The following CTNNA2 variants were observed in gnomAD, a reference collection of about 807,000 sequenced individuals.
CTNNA2 encodes catenin alpha 2.
In CTNNA2, 42 loss-of-function variants were observed where a neutral mutation model predicts 101.0. The observed-to-expected ratio is 0.42, with a 90% confidence interval of 0.32 to 0.54. The LOEUF (loss-of-function observed/expected upper bound fraction) is 0.54. Ranked by LOEUF, CTNNA2 falls within the 20% of genes least tolerant of loss-of-function variation. CTNNA2 has a pLI of 0.14. For missense variants in CTNNA2, 871 were observed against 1,223.1 expected (o/e 0.71, Z 4.29); for synonymous variants, 450 against 456.4 (o/e 0.99, Z 0.18).
chr2:80,604,330 C>G, intron 16 of CTNNA2, 151 bp downstream of exon 16: 1 of 657,734 alleles, frequency 1.5e-6, no homozygotes, highest in South Asian at 1.8e-5. Flanking sequence ...GTATCTGCCT[C>G]TCCTGACACT....
chr2:79,977,493 G>T (rs1310196925), intron 7 of CTNNA2, among the ~76,000 whole-genome samples: 1 of 152,048 alleles, frequency 6.6e-6, no homozygotes, highest in Admixed American at 6.6e-5. Flanking sequence ...CACCTATTTA[G>T]ACTTGCCTAT....
At chr2:80,502,218 A>C (rs1482833892) in intron 9 of CTNNA2, among the ~76,000 whole-genome samples, 1 of 152,198 alleles carries the variant, frequency 6.6e-6, no homozygotes, top group Non-Finnish European at 1.5e-5. Context: ...TTTTCACCAT[A>C]AGTCATTTAA....
intron 7 of CTNNA2, among the ~76,000 whole-genome samples, chr2:80,246,673 A>G (rs1283931237): frequency 6.6e-6 from 1 of 152,210 alleles, no homozygotes; most frequent in Non-Finnish European, 1.5e-5. Context: ...GTTGCTCTCT[A>G]CAGCTCACTG....
chr2:79,514,147 C>A (rs1032053677), intron 1 of CTNNA2, among the ~76,000 whole-genome samples: 1 of 152,150 alleles, frequency 6.6e-6, no homozygotes, highest in African/African-American at 2.4e-5. Context: ...ATGTTTTGCT[C>A]AGCATACAAA....
chr2:80,113,107 AGTG>A (rs1234319494), intron 7 of CTNNA2, among the ~76,000 whole-genome samples: 3 of 152,142 alleles, frequency 2.0e-5, no homozygotes, highest in African/African-American at 7.2e-5. Context: ...TGGGGCGAGG[AGTG>A]TACCACATTT....
intron 2 of CTNNA2, among the ~76,000 whole-genome samples, chr2:79,681,094 G>A (rs982208694): frequency 6.6e-6 from 1 of 152,212 alleles, no homozygotes; most frequent in African/African-American, 2.4e-5. Flanking sequence ...GATTGAGGCT[G>A]TAGTGAGTTA....
chr2:79,583,649 T>C lies in CTNNA2; in HGVS notation c.-5-67903T>C, dbSNP rs1676286687. On this transcript the variant is annotated intron_variant, in intron 1 of 18. Transcript: ENST00000402739. ...GTCATTTTGCATCTCCAAAGCCATA[T>C]ACGATCATTTCAATTGCTCTACATC... Among the ~76,000 whole-genome samples the C allele has an allele frequency of 3.3e-5, 5 of 152,202 alleles. No homozygotes were observed. The South Asian group carries it at 1.0e-3, about 32-fold the overall frequency.
chr2:79,937,289 A>G (rs1019959200), intron 7 of CTNNA2, among the ~76,000 whole-genome samples: 1 of 152,172 alleles, frequency 6.6e-6, no homozygotes. Context: ...CACATATAGC[A>G]CTTTTATAAA....
intron 9 of CTNNA2, among the ~76,000 whole-genome samples, chr2:80,493,208 C>T (rs756140444): frequency 1.9e-4 from 29 of 152,178 alleles, no homozygotes; most frequent in Admixed American, 3.3e-4. Context: ...ATCTGTGTGG[C>T]CCAGTGACCG....
At chr2:79,761,260 A>G (rs920837791) in intron 3 of CTNNA2, among the ~76,000 whole-genome samples, 6 of 152,260 alleles carry the variant, frequency 3.9e-5, no homozygotes, top group African/African-American at 1.4e-4. Flanking sequence ...GCGTGTGACC[A>G]TAAGGATTTA....
chr2:79,536,550 T>C (rs1673072650), intron 1 of CTNNA2, among the ~76,000 whole-genome samples: 1 of 135,624 alleles, frequency 7.4e-6, no homozygotes, highest in Non-Finnish European at 1.6e-5. Flanking sequence ...AGTTAGCATA[T>C]ATACACCTAA....
At chr2:79,596,047 A>G (rs1677170736) in intron 1 of CTNNA2, among the ~76,000 whole-genome samples, 1 of 151,542 alleles carries the variant, frequency 6.6e-6, no homozygotes, top group South Asian at 2.1e-4. Flanking sequence ...ACCTGGCCCA[A>G]TTGCTCTATC....
At chr2:79,771,897 T>C (rs1673611695) in intron 3 of CTNNA2, among the ~76,000 whole-genome samples, 1 of 152,216 alleles carries the variant, frequency 6.6e-6, no homozygotes, top group Non-Finnish European at 1.5e-5. Context: ...TATATAATAG[T>C]TTTATGGCTA....
intron 2 of CTNNA2, among the ~76,000 whole-genome samples, chr2:79,708,834 C>G (rs1281025703): frequency 6.6e-6 from 1 of 152,102 alleles, no homozygotes; most frequent in Non-Finnish European, 1.5e-5. Context: ...GGCTTTAGAT[C>G]TGTTCTCCTT....
At chr2:80,243,918 C>T (rs1573494846) in intron 7 of CTNNA2, among the ~76,000 whole-genome samples, 1 of 152,180 alleles carries the variant, frequency 6.6e-6, no homozygotes, top group Admixed American at 6.5e-5. Flanking sequence ...CCCAATTCCT[C>T]CACATCCTGG....
intron 7 of CTNNA2, among the ~76,000 whole-genome samples, chr2:80,142,895 T>G (rs1015849508): frequency 4.0e-5 from 6 of 149,866 alleles, no homozygotes; most frequent in Non-Finnish European, 8.8e-5. Flanking sequence ...AGGTGCCCCA[T>G]CAAGATTAAC....
chr2:80,580,558 T>C (rs1695443348), intron 13 of CTNNA2, among the ~76,000 whole-genome samples: 2 of 152,206 alleles, frequency 1.3e-5, no homozygotes, highest in African/African-American at 4.8e-5. Context: ...CTTTGCACCT[T>C]GTATTACTTA....
intron 9 of CTNNA2, among the ~76,000 whole-genome samples, chr2:80,513,185 T>G (rs1688849377): frequency 6.6e-6 from 1 of 152,214 alleles, no homozygotes; most frequent in Admixed American, 6.5e-5. Context: ...ACACATTAAT[T>G]CATATGCATA....
At chr2:80,045,322 T>A (rs1696443940) in intron 7 of CTNNA2, among the ~76,000 whole-genome samples, 1 of 152,224 alleles carries the variant, frequency 6.6e-6, no homozygotes, top group African/African-American at 2.4e-5. Flanking sequence ...AAAACTACCA[T>A]TGTCTCATCT....
Sources: allele counts gnomAD v4.1 joint callset (sites outside exome capture counted in the v4.1 genomes callset), GRCh38; gene constraint gnomAD v4.1.1; transcripts MANE v1.5; gene names NCBI Gene and HGNC (gene_info 2026-07-23, HGNC 2026-07-21).